Variants in GPR158 observed in about 807,000 individuals in gnomAD.
The protein encoded by GPR158 is metabotropic glycine receptor.
In GPR158, 30 loss-of-function variants were observed where a neutral mutation model predicts 78.2. That is an observed-to-expected ratio of 0.38 (90% CI 0.29 to 0.52). The LOEUF is 0.52. Ranked by LOEUF, GPR158 falls within the 20% of genes least tolerant of loss-of-function variation. The pLI, the probability that GPR158 is intolerant of heterozygous loss-of-function variation, is 0.83. For missense variants in GPR158, 1,463 were observed against 1,523.5 expected (o/e 0.96, Z 0.66); for synonymous variants, 581 against 591.1 (o/e 0.98, Z 0.25).
chr10:25,206,131 G>A (rs1056183592), intron 1 of GPR158, among the ~76,000 whole-genome samples: 13 of 151,674 alleles, frequency 8.6e-5, no homozygotes, highest in South Asian at 4.2e-4. Context: ...GACTACAGGC[G>A]CCCACCACCA....
chr10:25,289,008 G>A (rs11014487), intron 2 of GPR158, among the ~76,000 whole-genome samples: 1 of 152,150 alleles, frequency 6.6e-6, no homozygotes. Flanking sequence ...GTAGCATGTA[G>A]AGGGACAGAA....
intron 5 of GPR158, among the ~76,000 whole-genome samples, chr10:25,524,218 C>A (rs1836321066): frequency 6.6e-6 from 1 of 152,160 alleles, no homozygotes; most frequent in Admixed American, 6.5e-5. Context: ...GCAGTACTCC[C>A]CAGATTGATC....
chr10:25,408,177 G>A lies in GPR158; in HGVS notation c.1112-4073G>A, dbSNP rs569799610. Among the ~76,000 whole-genome samples the A allele has an allele frequency of 3.3e-5, 5 of 152,288 alleles. No individual in the cohort carries two copies. In the South Asian group the frequency reaches 1.0e-3, roughly 32 times the overall value. On this transcript the variant is annotated intron_variant, in intron 3 of 10. Transcript: ENST00000376351. ...AAAAAGGTCAGCCTATTTAGTTGAA[G>A]CAAGAAAGCAAAGATTTGTGTGAGA...
At chr10:25,319,734 CTG>C (rs1854918191) in intron 2 of GPR158, among the ~76,000 whole-genome samples, 2 of 152,028 alleles carry the variant, frequency 1.3e-5, no homozygotes, top group Admixed American at 1.3e-4. Context: ...ATGTAAAACA[CTG>C]AGAGTTTTTA....
At chr10:25,438,924 T>G (rs1835033027) in intron 4 of GPR158, among the ~76,000 whole-genome samples, 1 of 152,226 alleles carries the variant, frequency 6.6e-6, no homozygotes, top group Non-Finnish European at 1.5e-5. Flanking sequence ...GAAAATTATA[T>G]GAAATTCAGA....
chr10:25,532,171 A>G (rs1205188550), intron 5 of GPR158, among the ~76,000 whole-genome samples: 1 of 152,208 alleles, frequency 6.6e-6, no homozygotes, highest in Non-Finnish European at 1.5e-5. Flanking sequence ...GAGAAGGAGG[A>G]CTACTGACAT....
intron 1 of GPR158, among the ~76,000 whole-genome samples, chr10:25,189,624 AG>A: frequency 1.4e-5 from 2 of 148,006 alleles, no homozygotes; most frequent in South Asian, 4.4e-4. Flanking sequence ...CATCACACAC[AG>A]GGGCCTGTCG....
At chr10:25,236,954 C>T (rs1853534631) in intron 2 of GPR158, among the ~76,000 whole-genome samples, 1 of 152,052 alleles carries the variant, frequency 6.6e-6, no homozygotes, top group African/African-American at 2.4e-5. Flanking sequence ...TCAAAGACAT[C>T]CTAGAAAATA....
At chr10:25,518,265 TTTTC>T (rs1350730944) in intron 5 of GPR158, among the ~76,000 whole-genome samples, 1 of 87,554 alleles carries the variant, frequency 1.1e-5, no homozygotes, top group African/African-American at 5.9e-5. Flanking sequence ...TTCTCTCTTT[TTTTC>T]TTTATTAGTC....
chr10:25,273,971 C>T (rs1220998382), intron 2 of GPR158, among the ~76,000 whole-genome samples: 2 of 152,178 alleles, frequency 1.3e-5, no homozygotes, highest in Non-Finnish European at 2.9e-5. Context: ...AGCCACCGTG[C>T]CTAGCCTCAA....
At chr10:25,462,126 A>G (rs183424276) in intron 4 of GPR158, among the ~76,000 whole-genome samples, 1 of 152,280 alleles carries the variant, frequency 6.6e-6, no homozygotes, top group Non-Finnish European at 1.5e-5. Context: ...GGGCAAATGC[A>G]ACTAGTGACT....
intron 4 of GPR158, among the ~76,000 whole-genome samples, chr10:25,450,808 G>A (rs1023880449): frequency 6.6e-6 from 1 of 152,074 alleles, no homozygotes; most frequent in Non-Finnish European, 1.5e-5. Context: ...CAAATATGAA[G>A]CAGAAAGTAA....
At chr10:25,274,571 A>G (rs1430063929) in intron 2 of GPR158, among the ~76,000 whole-genome samples, 1 of 152,196 alleles carries the variant, frequency 6.6e-6, no homozygotes, top group Non-Finnish European at 1.5e-5. Context: ...TGACAGCTGA[A>G]AAACAAATGA....
At chr10:25,403,243 T>A (rs1376256760) in intron 3 of GPR158, among the ~76,000 whole-genome samples, 2 of 152,012 alleles carry the variant, frequency 1.3e-5, no homozygotes, top group African/African-American at 4.8e-5. Flanking sequence ...AGAAGTTTTA[T>A]GTTTTTTTCT....
In GPR158 at chr10:25,182,713, T is replaced by C. The variant is rs541134720; in HGVS notation, c.902+6391T>C. Reference sequence around the variant, plus strand: ...GGCTACCCTTTTTCAGTCTTAAGAGTGCTGTTGGATTCAACATACACTGCA... The same window carrying C: ...GGCTACCCTTTTTCAGTCTTAAGAGCGCTGTTGGATTCAACATACACTGCA... On this transcript the variant is annotated intron_variant, in intron 1 of 10. Coordinates refer to ENST00000376351, the MANE Select transcript of GPR158 (RefSeq NM_020752.3). Among the ~76,000 whole-genome samples, 24 of 152,226 alleles carry C rather than the reference T, an allele frequency of 1.6e-4. No homozygotes were observed. In the East Asian group the frequency reaches 3.1e-3, roughly 20 times the overall value.
At chr10:25,552,415 A>G (rs1836738258) in intron 6 of GPR158, among the ~76,000 whole-genome samples, 1 of 152,190 alleles carries the variant, frequency 6.6e-6, no homozygotes, top group Non-Finnish European at 1.5e-5. Context: ...CATGTGGACA[A>G]TAAGCCTTCT....
At chr10:25,347,855 A>C (rs569166670) in intron 2 of GPR158, among the ~76,000 whole-genome samples, 1 of 151,990 alleles carries the variant, frequency 6.6e-6, no homozygotes, top group Admixed American at 6.6e-5. Flanking sequence ...TTACCTGATC[A>C]CAGCCATACA....
chr10:25,387,040 C>G (rs1008363263), intron 2 of GPR158, among the ~76,000 whole-genome samples: 2 of 152,156 alleles, frequency 1.3e-5, no homozygotes, highest in East Asian at 3.8e-4. Flanking sequence ...AGAAGGCTTT[C>G]ACACCTTGTA....
At position 25,594,356 on chromosome 10, in the gene GPR158, T is replaced by C; in HGVS notation, c.1957T>C (p.Leu653=). Residue 653 remains leucine, a synonymous_variant, in exon 9 of 11, where the codon TTG becomes CTG. Transcript: ENST00000376351. ...MLMLYFAHTH[L]TVTVTIGLLL... ...GATGCTGTATTTTGCACATACTCAT[T>C]TGACTGTGACAGTCACCATTGGGTT... The C allele has an allele frequency of 6.3e-7, 1 of 1,592,792 alleles. No individual in the cohort carries two copies. Among genetic ancestry groups the C allele is most frequent in the Non-Finnish European group, 8.6e-7 (1 of 1,161,930 alleles).
Sources: gnomAD v4.1 joint callset for allele counts (sites outside exome capture counted in the v4.1 genomes callset) on GRCh38, gnomAD v4.1.1 for gene constraint, MANE v1.5 for transcripts, NCBI Gene and HGNC (gene_info 2026-07-23, HGNC 2026-07-21) for gene names.